The following PIK3C2G variants were observed in gnomAD, a reference collection of about 807,000 sequenced individuals.
PIK3C2G encodes phosphatidylinositol 3-kinase C2 domain-containing subunit gamma.
In PIK3C2G, 168 loss-of-function variants were observed where a neutral mutation model predicts 181.1. The ratio of observed to expected loss-of-function variants is 0.93; its 90% CI spans 0.82 to 1.05. The LOEUF is 1.05. Ranked by LOEUF, PIK3C2G falls within the 50% of genes least tolerant of loss-of-function variation. The pLI is 0.00. For synonymous variants in PIK3C2G, 573 were observed against 592.2 expected (o/e 0.97, Z 0.47); for missense variants, 1,869 against 1,732.8 (o/e 1.08, Z -1.40).
At chr12:18,694,839 CA>C in the PIK3C2G span, 2 of 1,221,016 alleles carry the variant, frequency 1.6e-6, no homozygotes, top group Non-Finnish European at 2.3e-6. Flanking sequence ...CAGTGGAATT[CA>C]AAATACTAAT....
chr12:18,682,237 A>G, the PIK3C2G span, among the ~76,000 whole-genome samples: 1 of 152,090 alleles, frequency 6.6e-6, no homozygotes, highest in Admixed American at 6.6e-5. Flanking sequence ...AGAGTAAACC[A>G]TGATAATAGT....
At chr12:18,526,788 A>G (rs1257706585) in intron 24 of PIK3C2G, among the ~76,000 whole-genome samples, 1 of 152,016 alleles carries the variant, frequency 6.6e-6, no homozygotes, top group Non-Finnish European at 1.5e-5. Flanking sequence ...TCACTTACTC[A>G]CACGGACCAT....
At chr12:18,449,219 C>T (rs1054217443) in intron 18 of PIK3C2G, among the ~76,000 whole-genome samples, 4 of 151,944 alleles carry the variant, frequency 2.6e-5, no homozygotes, top group Non-Finnish European at 5.9e-5. Flanking sequence ...TGCTTTCATG[C>T]CAGTACCATA....
intron 24 of PIK3C2G, among the ~76,000 whole-genome samples, chr12:18,516,204 T>C (rs1321365776): frequency 2.0e-5 from 3 of 151,936 alleles, no homozygotes; most frequent in Non-Finnish European, 2.9e-5. Context: ...GAAAAGTCTT[T>C]GTCTCTCCAT....
chr12:18,540,533 A>G (rs1944096979), intron 25 of PIK3C2G, among the ~76,000 whole-genome samples: 1 of 152,024 alleles, frequency 6.6e-6, no homozygotes, highest in African/African-American at 2.4e-5. Context: ...AGCATTCAGC[A>G]TAAGAGTCAT....
Position 18,391,263 on chromosome 12 carries a change from T to G in PIK3C2G, c.2126+11T>G. On this transcript the variant is annotated intron_variant, in intron 15 of 32. Coordinates refer to ENST00000538779, the MANE Select transcript of PIK3C2G (RefSeq NM_001288772.2). ...ACAGACTCCCCTACTGTAAGTGACC[T>G]AGGTCTTGTGAATGAATTTTTGCCT... 6.5e-7 allele frequency: 1 copy of G among 1,550,062 alleles called. No homozygotes were observed. Among genetic ancestry groups the G allele is most frequent in the Non-Finnish European group, 8.7e-7 (1 of 1,151,096 alleles).
At chr12:18,538,421 G>A in intron 25 of PIK3C2G, 109 bp downstream of exon 25, 4 of 878,688 alleles carry the variant, frequency 4.6e-6, no homozygotes, top group Non-Finnish European at 5.2e-6. Context: ...CTATTCGGAA[G>A]AGAAAGGAAT....
chr12:18,326,569 G>T (rs1951354556), intron 8 of PIK3C2G, among the ~76,000 whole-genome samples: 1 of 152,050 alleles, frequency 6.6e-6, no homozygotes, highest in Non-Finnish European at 1.5e-5. Context: ...ACAAGACTTA[G>T]GTTTCTCCCT....
At chr12:18,334,341 A>G (rs1938302783) in intron 8 of PIK3C2G, among the ~76,000 whole-genome samples, 1 of 152,106 alleles carries the variant, frequency 6.6e-6, no homozygotes, top group Non-Finnish European at 1.5e-5. Flanking sequence ...GTGTGCAACC[A>G]TTTGTTCTCA....
chr12:18,412,441 A>G (rs1944915629), intron 16 of PIK3C2G, among the ~76,000 whole-genome samples: 1 of 152,148 alleles, frequency 6.6e-6, no homozygotes, highest in Non-Finnish European at 1.5e-5. Flanking sequence ...CAGGGGCCAC[A>G]TGATTTAAAA....
intron 24 of PIK3C2G, among the ~76,000 whole-genome samples, chr12:18,534,701 G>C (rs11330364): frequency 3.4e-4 from 1 of 2,936 alleles, no homozygotes; most frequent in Admixed American, 4.7e-3. Flanking sequence ...TAAAAAAAAA[G>C]AAAGGCTTCT....
intron 11 of PIK3C2G, among the ~76,000 whole-genome samples, chr12:18,351,747 A>G (rs1278751034): frequency 6.6e-6 from 1 of 152,228 alleles, no homozygotes; most frequent in African/African-American, 2.4e-5. Context: ...AATCTTCTAT[A>G]GATTACTTAT....
chr12:18,317,562 G>A (rs367808538), intron 6 of PIK3C2G, among the ~76,000 whole-genome samples: 6 of 152,188 alleles, frequency 3.9e-5, no homozygotes, highest in African/African-American at 1.4e-4. Context: ...TATATATAAT[G>A]AAGTCCTATG....
At chr12:18,596,642 A>G (rs1023875419) in intron 30 of PIK3C2G, among the ~76,000 whole-genome samples, 2 of 152,180 alleles carry the variant, frequency 1.3e-5, no homozygotes, top group Non-Finnish European at 2.9e-5. Flanking sequence ...GTTAATGAGC[A>G]TGATTAAGCA....
chr12:18,553,962 T>A (rs896300383), intron 26 of PIK3C2G, among the ~76,000 whole-genome samples: 1 of 152,048 alleles, frequency 6.6e-6, no homozygotes, highest in African/African-American at 2.4e-5. Flanking sequence ...CTATCAATGA[T>A]CCTGGGAAAT....
At chr12:18,340,949 C>T (rs1456633206) in intron 9 of PIK3C2G, among the ~76,000 whole-genome samples, 4 of 152,032 alleles carry the variant, frequency 2.6e-5, no homozygotes, top group Admixed American at 6.6e-5. Flanking sequence ...TCATGGCCAT[C>T]GATTACAGCC....
At chr12:18,380,145 T>G (rs180999448) in intron 13 of PIK3C2G, among the ~76,000 whole-genome samples, 2 of 152,262 alleles carry the variant, frequency 1.3e-5, no homozygotes, top group Admixed American at 1.3e-4. Context: ...CTTCTCCCCA[T>G]CTGCTTGCCA....
intron 1 of PIK3C2G, among the ~76,000 whole-genome samples, chr12:18,271,851 C>T (rs935850592): frequency 1.3e-5 from 2 of 152,158 alleles, no homozygotes; most frequent in African/African-American, 4.8e-5. Context: ...CCTTCAGTTT[C>T]ATACATCCAA....
chr12:18,259,135 G>A (rs2136985176), upstream of PIK3C2G, among the ~76,000 whole-genome samples: 1 of 152,170 alleles, frequency 6.6e-6, no homozygotes, highest in South Asian at 2.1e-4. Context: ...AGTTGCTCTT[G>A]TAATCTTCAT....
Sources: allele counts gnomAD v4.1 joint callset (sites outside exome capture counted in the v4.1 genomes callset), GRCh38; gene constraint gnomAD v4.1.1; transcripts MANE v1.5; gene names NCBI Gene and HGNC (gene_info 2026-07-23, HGNC 2026-07-21).